The following STK3 variants were observed in gnomAD, a reference collection of about 807,000 sequenced individuals.
STK3 encodes serine/threonine kinase 3.
Under a neutral mutation model 58.0 loss-of-function variants are expected in STK3, and 41 were observed. The ratio of observed to expected loss-of-function variants is 0.71; its 90% confidence interval spans 0.55 to 0.92. The LOEUF (loss-of-function observed/expected upper bound fraction) is 0.92. Ranked by LOEUF, STK3 falls within the 40% of genes least tolerant of loss-of-function variation. The pLI is 0.00. For synonymous variants in STK3, 170 were observed against 191.0 expected (o/e 0.89, Z 0.91); for missense variants, 479 against 602.7 (o/e 0.79, Z 2.15).
chr8:98,427,639 C>T (rs1818256790), intron 3 of STK3: 1 of 192,478 alleles, frequency 5.2e-6, no homozygotes, highest in Admixed American at 5.6e-5. Flanking sequence ...GGGGCGTCTC[C>T]CGGGCCTGCC....
intron 10 of STK3, among the ~76,000 whole-genome samples, chr8:98,477,903 G>A (rs1056272327): frequency 6.6e-6 from 1 of 152,012 alleles, no homozygotes; most frequent in African/African-American, 2.4e-5. Context: ...CATCCCCAGC[G>A]TCTATTCACA....
chr8:98,909,309 A>T (rs1268082802), intron 1 of STK3, among the ~76,000 whole-genome samples: 1 of 152,176 alleles, frequency 6.6e-6, no homozygotes, highest in East Asian at 1.9e-4. Flanking sequence ...CCTTTTTTTC[A>T]GTAGATAATC....
At chr8:98,724,922 T>C (rs1827693701) in intron 4 of STK3, among the ~76,000 whole-genome samples, 1 of 152,196 alleles carries the variant, frequency 6.6e-6, no homozygotes. Flanking sequence ...AAGAATCATA[T>C]ATTGCTTAGT....
chr8:98,871,674 A>G (rs567376003), intron 3 of STK3, among the ~76,000 whole-genome samples: 2 of 152,172 alleles, frequency 1.3e-5, no homozygotes, highest in East Asian at 3.9e-4. Context: ...AATGCTTGTG[A>G]TTTTTGCACA....
chr8:98,602,479 G>A (rs1262389599), intron 6 of STK3, among the ~76,000 whole-genome samples: 1 of 152,208 alleles, frequency 6.6e-6, no homozygotes, highest in East Asian at 1.9e-4. Context: ...CTCCAGAACT[G>A]TGAGCAATAC....
In STK3 at chr8:98,488,868, T is replaced by C. The variant is rs567196245; in HGVS notation, c.1318-32868A>G. Among the ~76,000 whole-genome samples, 6 of 152,360 alleles carry C rather than the reference T, an allele frequency of 3.9e-5. No individual in the cohort carries two copies. The East Asian group carries it at 9.6e-4, about 24-fold the overall frequency. Reference sequence around the variant, plus strand: ...GAATAAAAGCAACACTTTCGGTCTCTATTGCAACTACATGTAGCCCTATGA... The same window carrying C: ...GAATAAAAGCAACACTTTCGGTCTCCATTGCAACTACATGTAGCCCTATGA... On this transcript the variant is annotated intron_variant, in intron 10 of 10. Coordinates refer to ENST00000419617, the MANE Select transcript of STK3 (RefSeq NM_006281.4).
intron 10 of STK3, among the ~76,000 whole-genome samples, chr8:98,484,160 C>T (rs1158714945): frequency 1.1e-5 from 1 of 92,678 alleles, no homozygotes; most frequent in African/African-American, 3.8e-5. Flanking sequence ...CTAAAGTCCA[C>T]TTTAGTCTAA....
chr8:98,444,981 G>T (rs779544542), intron 1 of STK3, among the ~76,000 whole-genome samples: 2 of 152,072 alleles, frequency 1.3e-5, no homozygotes, highest in African/African-American at 2.4e-5. Flanking sequence ...TCTTATCTTG[G>T]TACTAAGAAT....
chr8:98,543,395 T>C (rs1310114374), intron 9 of STK3, among the ~76,000 whole-genome samples: 1 of 151,942 alleles, frequency 6.6e-6, no homozygotes, highest in Admixed American at 6.6e-5. Flanking sequence ...GGAATGAAGA[T>C]TGGAGGCAGA....
chr8:98,703,103 C>G (rs543349287), intron 6 of STK3, among the ~76,000 whole-genome samples: 1 of 152,210 alleles, frequency 6.6e-6, no homozygotes, highest in African/African-American at 2.4e-5. Context: ...TACCATATTT[C>G]CTGCTACTCT....
At chr8:98,693,849 A>G (rs1824610308) in intron 6 of STK3, among the ~76,000 whole-genome samples, 1 of 144,620 alleles carries the variant, frequency 6.9e-6, no homozygotes, top group African/African-American at 2.5e-5. Context: ...AGCAAATTTT[A>G]TTATTAATTG....
chr8:98,534,452 C>A (rs1386599985), intron 9 of STK3, among the ~76,000 whole-genome samples: 1 of 152,082 alleles, frequency 6.6e-6, no homozygotes, highest in African/African-American at 2.4e-5. Context: ...GATTTCCTGT[C>A]ATAACAGACT....
At chr8:98,680,715 G>C (rs1175935520) in intron 6 of STK3, among the ~76,000 whole-genome samples, 1 of 152,080 alleles carries the variant, frequency 6.6e-6, no homozygotes, top group Non-Finnish European at 1.5e-5. Context: ...GTTTCTAAAA[G>C]TATAAACTAC....
At chr8:98,768,696 C>T (rs754648595) in intron 2 of STK3, among the ~76,000 whole-genome samples, 19 of 152,204 alleles carry the variant, frequency 1.2e-4, no homozygotes, top group Admixed American at 3.9e-4. Context: ...CTCAGCACTA[C>T]GAAAGAGAAG....
intron 10 of STK3, among the ~76,000 whole-genome samples, chr8:98,513,858 G>A (rs1003878457): frequency 6.6e-6 from 1 of 152,130 alleles, no homozygotes; most frequent in African/African-American, 2.4e-5. Flanking sequence ...GAGAGGGGAG[G>A]AGTTTGAACT....
chr8:98,819,425 C>T (rs1329369186), intron 1 of STK3, among the ~76,000 whole-genome samples: 1 of 152,106 alleles, frequency 6.6e-6, no homozygotes, highest in Admixed American at 6.5e-5. Context: ...TTTATTGTCG[C>T]ACTCCCTCTC....
intron 1 of STK3, among the ~76,000 whole-genome samples, chr8:98,891,406 C>T (rs1474302466): frequency 1.3e-5 from 2 of 152,178 alleles, no homozygotes; most frequent in Non-Finnish European, 2.9e-5. Context: ...TCCTTTGTTA[C>T]ATTATAAATT....
the STK3 span, among the ~76,000 whole-genome samples, chr8:98,344,058 G>A: frequency 6.6e-6 from 1 of 152,196 alleles, no homozygotes; most frequent in Non-Finnish European, 1.5e-5. Flanking sequence ...GAGATACAAT[G>A]AAAGGATGGT....
rs1055155953 is a variant in STK3 at position 98,500,933 on chromosome 8, G to C, written c.1317+25809C>G. 3.0e-4 allele frequency among the ~76,000 whole-genome samples: 45 copies of C among 152,126 alleles called. 1 individual carries two copies. Among genetic ancestry groups the C allele is most frequent in the Admixed American group, 2.9e-3 (44 of 15,266 alleles). ...CCTTTGGGTATATATCCAGTAATGG[G>C]ATCTCTGGGTCAAATGGTATTTCTA... On this transcript the variant is annotated intron_variant, in intron 10 of 10. Coordinates refer to ENST00000419617, the MANE Select transcript of STK3 (RefSeq NM_006281.4).
Sources: allele counts gnomAD v4.1 joint callset (sites outside exome capture counted in the v4.1 genomes callset), GRCh38; gene constraint gnomAD v4.1.1; transcripts MANE v1.5; gene names NCBI Gene and HGNC (gene_info 2026-07-23, HGNC 2026-07-21).